The following DISC1 variants were observed in gnomAD, a reference collection of about 807,000 sequenced individuals.
DISC1 encodes the protein disrupted in schizophrenia 1 protein.
A neutral mutation model predicts 84.5 loss-of-function variants in DISC1; 57 were observed. That is an observed-to-expected ratio of 0.67 (90% CI 0.55 to 0.84). DISC1 has a LOEUF of 0.84. Ranked by LOEUF, DISC1 falls within the 40% of genes least tolerant of loss-of-function variation. The pLI, the probability that DISC1 is intolerant of heterozygous loss-of-function variation, is 0.00. For synonymous variants in DISC1, 411 were observed against 415.2 expected, an observed-to-expected ratio of 0.99 and a Z score of 0.12; for missense variants, 1,000 against 1,057.8, an observed-to-expected ratio of 0.95 and a Z score of 0.76.
chr1:231,801,737 C>T (rs1475284181), intron 8 of DISC1, among the ~76,000 whole-genome samples: 1 of 152,036 alleles, frequency 6.6e-6, no homozygotes, highest in African/African-American at 2.4e-5. Context: ...TCTGTTTTCT[C>T]CTGTTTCAAT....
intron 1 of DISC1, among the ~76,000 whole-genome samples, chr1:231,643,622 T>C (rs2059904156): frequency 1.3e-5 from 2 of 152,266 alleles, no homozygotes; most frequent in African/African-American, 4.8e-5. Flanking sequence ...GAGCTATTAT[T>C]AGATTTCACA....
intron 9 of DISC1, among the ~76,000 whole-genome samples, chr1:231,889,704 C>G (rs1243852458): frequency 6.6e-6 from 1 of 151,958 alleles, no homozygotes. Flanking sequence ...TAGAGCTCTT[C>G]TTACCACACA....
chr1:232,033,332 C>T (rs1474987444), intron 12 of DISC1, among the ~76,000 whole-genome samples: 1 of 152,230 alleles, frequency 6.6e-6, no homozygotes, highest in Non-Finnish European at 1.5e-5. Context: ...AGCCACCTCT[C>T]CTACCTCCAC....
intron 9 of DISC1, among the ~76,000 whole-genome samples, chr1:231,945,471 A>T (rs2126142812): frequency 6.6e-6 from 1 of 152,352 alleles, no homozygotes; most frequent in African/African-American, 2.4e-5. Flanking sequence ...CAGTGTGTAG[A>T]GGGAAATTTA....
intron 3 of DISC1, among the ~76,000 whole-genome samples, chr1:231,728,349 AG>A (rs1464986832): frequency 1.3e-5 from 2 of 152,218 alleles, no homozygotes; most frequent in African/African-American, 4.8e-5. Context: ...TACAGCACAC[AG>A]TGCGGTAGAT....
At chr1:231,642,236 G>A (rs2059775758) in intron 1 of DISC1, among the ~76,000 whole-genome samples, 1 of 152,176 alleles carries the variant, frequency 6.6e-6, no homozygotes, top group Non-Finnish European at 1.5e-5. Flanking sequence ...CCCGGAACTC[G>A]CGCTGGCCCG....
At chr1:231,755,245 T>C (rs1023840022) in intron 4 of DISC1, among the ~76,000 whole-genome samples, 6 of 151,990 alleles carry the variant, frequency 3.9e-5, no homozygotes, top group Non-Finnish European at 5.9e-5. Context: ...CTCACTCTAT[T>C]GGCCAGGCTG....
chr1:231,688,157 C>G (rs2064532148), intron 1 of DISC1, among the ~76,000 whole-genome samples: 1 of 151,976 alleles, frequency 6.6e-6, no homozygotes, highest in South Asian at 2.1e-4. Flanking sequence ...GTGATAATTC[C>G]TCTTCTATGT....
At chr1:231,702,314 G>A (rs1463862638) in intron 3 of DISC1, 4 of 1,124,554 alleles carry the variant, frequency 3.6e-6, no homozygotes, top group Admixed American at 5.2e-5. Context: ...TGCCCATGGT[G>A]TGATGTATCT....
chr1:231,873,199 C>A (rs1326621813), intron 9 of DISC1, among the ~76,000 whole-genome samples: 3 of 152,224 alleles, frequency 2.0e-5, no homozygotes, highest in Non-Finnish European at 4.4e-5. Flanking sequence ...TTGGGAAGAA[C>A]AAACCCATTA....
intron 11 of DISC1, among the ~76,000 whole-genome samples, chr1:232,019,049 A>G (rs987652794): frequency 2.0e-5 from 3 of 152,206 alleles, no homozygotes; most frequent in Non-Finnish European, 4.4e-5. Flanking sequence ...CATTACTTCA[A>G]TAAGCATTAC....
chr1:231,790,469 A>C (rs1006628212), intron 6 of DISC1, among the ~76,000 whole-genome samples: 12 of 151,788 alleles, frequency 7.9e-5, no homozygotes, highest in African/African-American at 2.9e-4. Flanking sequence ...TTTTGTCTTC[A>C]GATGATCTTC....
chr1:231,713,828 GATATATATAGGAGATATAT>G (rs1428497282), intron 3 of DISC1, among the ~76,000 whole-genome samples: 6 of 138,762 alleles, frequency 4.3e-5, no homozygotes, highest in African/African-American at 8.0e-5. Flanking sequence ...ATATAGGAGA[GATATATATAGGAGATATAT>G]ATATATATAG....
intron 9 of DISC1, among the ~76,000 whole-genome samples, chr1:231,853,265 A>T (rs559269982): frequency 2.4e-4 from 36 of 152,358 alleles, no homozygotes; most frequent in Non-Finnish European, 4.7e-4. Context: ...ACATCATTTA[A>T]TGTTGGGGAT....
rs1670673198 is a variant in DISC1 at position 232,038,985 on chromosome 1, C to G, written c.*2154C>G. 1 of 152,208 alleles carries G rather than the reference C, an allele frequency of 6.6e-6. No individual in the cohort carries two copies. Among genetic ancestry groups the G allele is most frequent in the Non-Finnish European group, 1.5e-5 (1 of 68,048 alleles). 9.4% of individuals were successfully genotyped at this position (152,208 alleles called of 1,614,324 possible). A position where few individuals can be genotyped will look rare whatever the true frequency, so the allele number is the denominator to read the frequency against. On this transcript the variant is annotated 3_prime_UTR_variant, in exon 13 of 13. Coordinates refer to ENST00000439617, the MANE Select transcript of DISC1 (RefSeq NM_018662.3). ...CAGCAATTGGCTGGGGTCCAGGAAA[C>G]AAAGCAAAAGCACAATATGTGAATG...
chr1:231,944,966 C>G (rs821582), intron 9 of DISC1: 1 of 151,920 alleles, frequency 6.6e-6, no homozygotes, highest in African/African-American at 2.4e-5. Context: ...ACCTACAAAG[C>G]GGCTTAGACT....
chr1:231,821,426 C>T (rs1171297620), intron 9 of DISC1, among the ~76,000 whole-genome samples: 1 of 152,140 alleles, frequency 6.6e-6, no homozygotes, highest in Non-Finnish European at 1.5e-5. Context: ...GACCTCATCA[C>T]CGAATCCATT....
intron 6 of DISC1, among the ~76,000 whole-genome samples, chr1:231,776,208 A>G (rs765851592): frequency 3.9e-5 from 6 of 152,178 alleles, no homozygotes; most frequent in African/African-American, 1.2e-4. Flanking sequence ...AGGAATAATT[A>G]TAGTAATAAT....
chr1:231,653,691 C>A (rs1046601142), intron 1 of DISC1, among the ~76,000 whole-genome samples: 1 of 152,130 alleles, frequency 6.6e-6, no homozygotes, highest in Non-Finnish European at 1.5e-5. Flanking sequence ...AGAACACACC[C>A]CTCCCAGAGT....
Sources: allele counts gnomAD v4.1 joint callset (sites outside exome capture counted in the v4.1 genomes callset), GRCh38; gene constraint gnomAD v4.1.1; transcripts MANE v1.5; gene names NCBI Gene and HGNC (gene_info 2026-07-23, HGNC 2026-07-21).